The following EPHA3 variants were observed in gnomAD, a reference collection of about 807,000 sequenced individuals.
The protein encoded by EPHA3 is EPH receptor A3.
In EPHA3, 42 loss-of-function variants were observed where a neutral mutation model predicts 107.1. The ratio of observed to expected loss-of-function variants is 0.39; its 90% CI spans 0.31 to 0.51. The LOEUF (loss-of-function observed/expected upper bound fraction) is 0.51. Among genes scored for constraint, EPHA3 ranks in the 20% least tolerant of loss-of-function variants. EPHA3 has a pLI of 0.78. For missense variants in EPHA3, 1,183 were observed against 1,211.2 expected (o/e 0.98, Z 0.35); for synonymous variants, 461 against 424.8 (o/e 1.09, Z -1.05).
intron 2 of EPHA3, among the ~76,000 whole-genome samples, chr3:89,187,114 T>C (rs958764193): frequency 5.3e-5 from 8 of 151,798 alleles, no homozygotes; most frequent in African/African-American, 1.4e-4. Context: ...CTACAGACTT[T>C]AATTTTTATC....
chr3:89,409,806 A>G (rs1181880375), intron 9 of EPHA3, among the ~76,000 whole-genome samples: 3 of 152,094 alleles, frequency 2.0e-5, no homozygotes, highest in Non-Finnish European at 4.4e-5. Context: ...CTTCAAAAGG[A>G]AAGAAATGTG....
chr3:89,378,140 A>G (rs1465056806), intron 5 of EPHA3, among the ~76,000 whole-genome samples: 1 of 152,132 alleles, frequency 6.6e-6, no homozygotes, highest in Non-Finnish European at 1.5e-5. Context: ...GAGGGATAGT[A>G]TTAGGAGAAA....
chr3:89,199,567 G>A (rs186806073), intron 2 of EPHA3, among the ~76,000 whole-genome samples: 9 of 151,944 alleles, frequency 5.9e-5, no homozygotes, highest in African/African-American at 2.2e-4. Context: ...TCTCTTCTTT[G>A]GTAAATCTTT....
intron 15 of EPHA3, among the ~76,000 whole-genome samples, chr3:89,460,237 G>C (rs1236816859): frequency 2.0e-5 from 3 of 152,002 alleles, no homozygotes; most frequent in Non-Finnish European, 4.4e-5. Context: ...CCACTAGCCA[G>C]GTATTGAATT....
chr3:89,398,056 T>G (rs1018922025), intron 6 of EPHA3, among the ~76,000 whole-genome samples: 5 of 152,208 alleles, frequency 3.3e-5, no homozygotes, highest in Admixed American at 3.3e-4. Context: ...ATATTTATAG[T>G]ATGCTTGGTA....
intron 3 of EPHA3, among the ~76,000 whole-genome samples, chr3:89,226,036 C>A (rs1168186377): frequency 6.6e-6 from 1 of 152,162 alleles, no homozygotes; most frequent in Non-Finnish European, 1.5e-5. Context: ...ATTATATTCA[C>A]TCCACTCTGG....
chr3:89,157,882 A>C (rs1440210763), intron 2 of EPHA3, among the ~76,000 whole-genome samples: 1 of 151,720 alleles, frequency 6.6e-6, no homozygotes, highest in Non-Finnish European at 1.5e-5. Context: ...AAAGGGAAAG[A>C]AGTCAGGGGA....
At chr3:89,414,536 G>A (rs74529517) in intron 10 of EPHA3, among the ~76,000 whole-genome samples, 283 of 151,704 alleles carry the variant, frequency 1.9e-3, no homozygotes, top group African/African-American at 6.6e-3. Flanking sequence ...GTTTAGTCTG[G>A]CTGGTTTTAA....
intron 13 of EPHA3, among the ~76,000 whole-genome samples, chr3:89,447,203 C>T (rs1007096511): frequency 2.0e-5 from 3 of 152,090 alleles, no homozygotes; most frequent in Non-Finnish European, 2.9e-5. Flanking sequence ...CCCTAACTTC[C>T]GAGGCTATCT....
At chr3:89,185,425 T>C (rs1344841163) in intron 2 of EPHA3, among the ~76,000 whole-genome samples, 1 of 152,028 alleles carries the variant, frequency 6.6e-6, no homozygotes, top group Admixed American at 6.6e-5. Flanking sequence ...TATTAATATA[T>C]TTAGTAGTTG....
intron 5 of EPHA3, among the ~76,000 whole-genome samples, chr3:89,379,698 G>GGCTT (rs1708464569): frequency 6.6e-6 from 1 of 152,132 alleles, no homozygotes; most frequent in African/African-American, 2.4e-5. Context: ...ATGGAACTAG[G>GGCTT]GCTTCTCAGA....
intron 3 of EPHA3, among the ~76,000 whole-genome samples, chr3:89,222,133 G>C (rs1261337456): frequency 6.6e-6 from 1 of 151,974 alleles, no homozygotes; most frequent in Non-Finnish European, 1.5e-5. Flanking sequence ...GGACATGATT[G>C]ATAGGAGATG....
chr3:89,266,892 T>C (rs150896847), intron 3 of EPHA3, among the ~76,000 whole-genome samples: 1 of 152,162 alleles, frequency 6.6e-6, no homozygotes, highest in East Asian at 1.9e-4. Flanking sequence ...TCAAATACAA[T>C]TTTCTTCAGA....
At chr3:89,121,264 T>A (rs896238988) in intron 1 of EPHA3, among the ~76,000 whole-genome samples, 2 of 146,622 alleles carry the variant, frequency 1.4e-5, no homozygotes, top group African/African-American at 2.5e-5. Flanking sequence ...ATAAATAAAA[T>A]AAATTATTAC....
At chr3:89,474,722 G>A (rs995292445) in intron 16 of EPHA3, among the ~76,000 whole-genome samples, 2 of 152,210 alleles carry the variant, frequency 1.3e-5, no homozygotes, top group Non-Finnish European at 2.9e-5. Context: ...AGCTATGAAT[G>A]TGATAAGAAA....
intron 15 of EPHA3, among the ~76,000 whole-genome samples, chr3:89,453,895 G>A (rs1710046034): frequency 6.6e-6 from 1 of 152,014 alleles, no homozygotes; most frequent in Admixed American, 6.6e-5. Context: ...AATTATAAAA[G>A]GCAGTGTCCC....
At chr3:89,371,000 T>C (rs991176181) in intron 5 of EPHA3, among the ~76,000 whole-genome samples, 2 of 151,686 alleles carry the variant, frequency 1.3e-5, no homozygotes, top group Admixed American at 6.6e-5. Flanking sequence ...ATAAAAGAAC[T>C]ACCAAGGAAT....
chr3:89,251,408 G>T (rs931821169), intron 3 of EPHA3, among the ~76,000 whole-genome samples: 11 of 151,864 alleles, frequency 7.2e-5, no homozygotes, highest in Non-Finnish European at 1.5e-4. Context: ...TAACAATTCT[G>T]GGCCAAATAA....
chr3:89,279,019 GT>G (rs556134365), intron 3 of EPHA3, among the ~76,000 whole-genome samples: 83 of 152,190 alleles, frequency 5.5e-4, no homozygotes, highest in African/African-American at 2.0e-3. Flanking sequence ...TGTATATAGT[GT>G]TTTTTTCCCC....
Sources: allele counts gnomAD v4.1 joint callset (sites outside exome capture counted in the v4.1 genomes callset), GRCh38; gene constraint gnomAD v4.1.1; transcripts MANE v1.5; gene names NCBI Gene and HGNC (gene_info 2026-07-23, HGNC 2026-07-21).